The following SLC4A7 variants were observed in gnomAD, a reference collection of about 807,000 sequenced individuals.
The protein encoded by SLC4A7 is sodium bicarbonate cotransporter 3.
A neutral mutation model predicts 137.6 loss-of-function variants in SLC4A7; 51 were observed. That is an observed-to-expected ratio of 0.37 (90% confidence interval 0.30 to 0.47). SLC4A7 has a LOEUF of 0.47. Ranked by LOEUF, SLC4A7 falls within the 20% of genes least tolerant of loss-of-function variation. The pLI, the probability that SLC4A7 is intolerant of heterozygous loss-of-function variation, is 1.00. For synonymous variants in SLC4A7, 542 were observed against 518.6 expected (o/e 1.05, Z -0.61); for missense variants, 1,247 against 1,525.4 (o/e 0.82, Z 3.04).
rs754388755 is a variant in SLC4A7, at chr3:27,431,626, C to G, written c.822G>C (p.Leu274=). 5.6e-6 allele frequency: 9 copies of G among 1,605,168 alleles called. No individual in the cohort carries two copies. The African/African-American group carries it at 8.1e-5, about 14-fold the overall frequency. ...CTCTCAAGGAAAGGTTTGAGGCAGA[C>G]AGACCTGTTCGCAAAGAGTGGCGGG... ...SASRHSLRTG[L]SASNLSLRGE... is the part of the protein sequence containing the mutation. Residue 274 remains leucine (L), a synonymous_variant, in exon 7 of 26, where the codon CTG becomes CTC. Coordinates refer to ENST00000454389, the MANE Select transcript of SLC4A7 (RefSeq NM_001321103.2).
intron 7 of SLC4A7, among the ~76,000 whole-genome samples, chr3:27,425,369 C>CCA (rs1559732695): frequency 2.4e-4 from 6 of 24,492 alleles, no homozygotes; most frequent in African/African-American, 5.1e-4. Context: ...AAACTCCGTC[C>CCA]TAAAAAAAAA....
chr3:27,447,189 TAG>T lies in SLC4A7; in HGVS notation c.289+1460_289+1461del, dbSNP rs1227301356. Among the ~76,000 whole-genome samples, 8 of 151,910 alleles carry T rather than the reference TAG, an allele frequency of 5.3e-5. No homozygotes were observed. In the South Asian group the frequency reaches 6.3e-4, roughly 12 times the overall value. ...GCGTGAGCCACCGCGCCCAGCTGAG[TAG>T]AGTTTCTTAATAGATTCCTGTCAGT... On this transcript the variant is annotated intron_variant, in intron 3 of 25. Coordinates refer to ENST00000454389, the MANE Select transcript of SLC4A7 (RefSeq NM_001321103.2).
At chr3:27,460,753 T>C (rs1381853259) in intron 1 of SLC4A7, among the ~76,000 whole-genome samples, 2 of 152,220 alleles carry the variant, frequency 1.3e-5, no homozygotes, top group African/African-American at 4.8e-5. Flanking sequence ...TTTTACTCGA[T>C]ACGTATTTTG....
intron 1 of SLC4A7, among the ~76,000 whole-genome samples, chr3:27,476,662 T>G (rs1404925933): frequency 6.6e-6 from 1 of 152,148 alleles, no homozygotes; most frequent in Non-Finnish European, 1.5e-5. Flanking sequence ...TCTGGTTGTT[T>G]GAGAGTGTGT....
chr3:27,462,263 T>C (rs773439767), intron 1 of SLC4A7, among the ~76,000 whole-genome samples: 1 of 152,192 alleles, frequency 6.6e-6, no homozygotes, highest in Non-Finnish European at 1.5e-5. Context: ...TTTTTCAGCA[T>C]ACATTTGGTG....
intron 11 of SLC4A7, 96 bp from the exon 12 acceptor site, chr3:27,411,844 T>C (rs1368585801): frequency 2.1e-6 from 1 of 478,246 alleles, no homozygotes; most frequent in East Asian, 3.6e-5. Flanking sequence ...TTATATTGAT[T>C]ATGTATCTAA....
In SLC4A7 at chr3:27,478,237, G is replaced by A. The variant is rs370317427; in HGVS notation, c.60+5830C>T. Among the ~76,000 whole-genome samples, 11 of 152,192 alleles carry A rather than the reference G, an allele frequency of 7.2e-5. No individual in the cohort carries two copies. The East Asian group carries it at 9.7e-4, about 13-fold the overall frequency. The stretch of plus-strand genomic sequence containing the variant: ...AAGGTCATTTAAAACATTAAAGCGG[G>A]CAGGGTGCGGTGGCTCACACCTGTA... On this transcript the variant is annotated intron_variant, in intron 1 of 25. Coordinates refer to ENST00000454389, the MANE Select transcript of SLC4A7 (RefSeq NM_001321103.2).
chr3:27,398,496 C>T, intron 16 of SLC4A7, 143 bp from the exon 17 acceptor site: 1 of 618,998 alleles, frequency 1.6e-6, no homozygotes, highest in Non-Finnish European at 2.7e-6. Flanking sequence ...AAACATTGTC[C>T]AGCCAACTAT....
chr3:27,408,782 T>C (rs2053629412), intron 13 of SLC4A7, among the ~76,000 whole-genome samples: 1 of 152,218 alleles, frequency 6.6e-6, no homozygotes, highest in African/African-American at 2.4e-5. Flanking sequence ...TATCAAAGAA[T>C]GGATGAAGCT....
chr3:27,412,219 C>G (rs891837024), intron 11 of SLC4A7, among the ~76,000 whole-genome samples: 8 of 152,130 alleles, frequency 5.3e-5, no homozygotes, highest in Non-Finnish European at 1.2e-4. Context: ...TAAACATGTT[C>G]CCACAAAAAT....
At chr3:27,456,667 A>G in intron 1 of SLC4A7, 1 of 1,609,064 alleles carries the variant, frequency 6.2e-7, no homozygotes, top group Non-Finnish European at 8.5e-7. Flanking sequence ...CTTCTTCTCC[A>G]GACGAAATCT....
chr3:27,405,342 A>T (rs1352688175), intron 13 of SLC4A7, among the ~76,000 whole-genome samples: 2 of 151,868 alleles, frequency 1.3e-5, no homozygotes, highest in East Asian at 1.9e-4. Flanking sequence ...GTATAATCCT[A>T]AAAAAAATCC....
chr3:27,435,387 G>T (rs1458410792), intron 5 of SLC4A7, among the ~76,000 whole-genome samples: 4 of 152,002 alleles, frequency 2.6e-5, no homozygotes, highest in Non-Finnish European at 4.4e-5. Context: ...TGCTTAGACT[G>T]TTCCTAGCCA....
chr3:27,442,581 C>A (rs1017408509), intron 3 of SLC4A7, among the ~76,000 whole-genome samples: 1 of 151,730 alleles, frequency 6.6e-6, no homozygotes, highest in Non-Finnish European at 1.5e-5. Context: ...GGTTAATTTT[C>A]GTATTTTTGG....
chr3:27,458,765 C>G (rs1280573693), intron 1 of SLC4A7, among the ~76,000 whole-genome samples: 1 of 152,082 alleles, frequency 6.6e-6, no homozygotes, highest in African/African-American at 2.4e-5. Context: ...CCGAGGTGGG[C>G]AGATTACCTG....
At chr3:27,416,527 A>G (rs926128190) in intron 11 of SLC4A7, among the ~76,000 whole-genome samples, 3 of 152,180 alleles carry the variant, frequency 2.0e-5, no homozygotes, top group African/African-American at 7.2e-5. Flanking sequence ...ATTCAGGAAT[A>G]CCTAATTAAT....
chr3:27,378,829 T>C (rs1006284534), intron 25 of SLC4A7, among the ~76,000 whole-genome samples: 2 of 152,256 alleles, frequency 1.3e-5, no homozygotes, highest in Non-Finnish European at 2.9e-5. Context: ...CTAATCTTTA[T>C]ATGGTTTCTG....
At chr3:27,428,265 G>A (rs2055866844) in intron 7 of SLC4A7, 1 of 154,250 alleles carries the variant, frequency 6.5e-6, no homozygotes, top group African/African-American at 2.4e-5. Context: ...GTTGTAAGTG[G>A]ACCTGAGTTC....
chr3:27,459,827 G>C (rs983769192), intron 1 of SLC4A7, among the ~76,000 whole-genome samples: 2 of 151,914 alleles, frequency 1.3e-5, no homozygotes, highest in African/African-American at 4.8e-5. Context: ...TTAGTTGCTA[G>C]AGTTGCCATT....
Sources: allele counts gnomAD v4.1 joint callset (sites outside exome capture counted in the v4.1 genomes callset), GRCh38; gene constraint gnomAD v4.1.1; transcripts MANE v1.5; gene names NCBI Gene and HGNC (gene_info 2026-07-23, HGNC 2026-07-21).